Variants in RSF1 observed in about 807,000 individuals in gnomAD.
RSF1 encodes HBV pX-associated protein 8.
In RSF1, 13 loss-of-function variants were observed where a neutral mutation model predicts 145.2. The ratio of observed to expected loss-of-function variants is 0.09; its 90% CI spans 0.06 to 0.14. The LOEUF is 0.14. Among genes scored for constraint, RSF1 ranks in the 10% least tolerant of loss-of-function variants. RSF1 has a pLI of 1.00. For synonymous variants in RSF1, 577 were observed against 592.6 expected, an observed-to-expected ratio of 0.97 and a Z score of 0.38; for missense variants, 1,517 against 1,718.2, an observed-to-expected ratio of 0.88 and a Z score of 2.07.
Position 77,661,684 on chromosome 11 carries a change from G to C in RSF1, c.*5233C>G, listed in dbSNP as rs1959235627. ...GTAAAAAATCTACATCCTATTTTAG[G>C]GTATTTTCCCACCTCCCATCCCTTA... On this transcript the variant is annotated 3_prime_UTR_variant, in exon 16 of 16. Transcript: ENST00000308488. The C allele has an allele frequency of 6.6e-6, 1 of 151,236 alleles. No homozygotes were observed. The highest frequency in any genetic ancestry group is 2.4e-5 in the African/African-American group (1 of 41,106). 9.4% of individuals were successfully genotyped at this position (151,236 alleles called of 1,614,324 possible).
chr11:77,723,423 A>G (rs1960983015), intron 5 of RSF1, among the ~76,000 whole-genome samples: 1 of 152,232 alleles, frequency 6.6e-6, no homozygotes, highest in African/African-American at 2.4e-5. Context: ...TGACTGCACC[A>G]CTGTACTTCA....
chr11:77,709,578 G>T (rs1960631446), intron 5 of RSF1, among the ~76,000 whole-genome samples: 1 of 152,078 alleles, frequency 6.6e-6, no homozygotes, highest in African/African-American at 2.4e-5. Flanking sequence ...TTCCAAAATG[G>T]GTTCAAATAC....
Position 77,691,203 on chromosome 11 carries a change from C to T in RSF1, c.2856G>A (p.Gln952=), listed in dbSNP as rs1239823350. The change falls in exon 9 of 16, where the codon CAG becomes CAA. Residue 952 remains glutamine (Q), a synonymous_variant. Transcript: ENST00000308488. ...LLCEKLEEQL[Q]DLDVALKKKE... ...TCTTCTTTAAGGCAACATCCAAATC[C>T]TGCAACTGTTCCTCTAATTTTTCAC... 2 of 1,614,052 alleles carry T rather than the reference C, an allele frequency of 1.2e-6. No homozygotes were observed. The highest frequency in any genetic ancestry group is 1.7e-5 in the Admixed American group (1 of 60,010).
chr11:77,746,122 A>G (rs1031179047), intron 3 of RSF1, among the ~76,000 whole-genome samples: 1 of 152,164 alleles, frequency 6.6e-6, no homozygotes, highest in Non-Finnish European at 1.5e-5. Context: ...AATTGGGATT[A>G]ATAAAAGTTA....
chr11:77,772,081 TTA>T (rs1948291344), intron 1 of RSF1, among the ~76,000 whole-genome samples: 1 of 152,206 alleles, frequency 6.6e-6, no homozygotes, highest in African/African-American at 2.4e-5. Flanking sequence ...ATCATGACTT[TTA>T]GTTTAATCAC....
intron 1 of RSF1, among the ~76,000 whole-genome samples, chr11:77,769,542 G>GA (rs1319412325): frequency 6.6e-6 from 1 of 152,194 alleles, no homozygotes; most frequent in African/African-American, 2.4e-5. Flanking sequence ...GAAGGAGAAA[G>GA]AAACAGTCAG....
chr11:77,817,864 C>T (rs1329773636), intron 1 of RSF1, among the ~76,000 whole-genome samples: 3 of 152,102 alleles, frequency 2.0e-5, no homozygotes, highest in Admixed American at 6.5e-5. Flanking sequence ...CTATTTGAAA[C>T]AGGCTGAAAG....
chr11:77,826,480 G>A, the RSF1 span, among the ~76,000 whole-genome samples: 4 of 152,158 alleles, frequency 2.6e-5, no homozygotes, highest in African/African-American at 7.2e-5. Flanking sequence ...TCGGCAGTTT[G>A]ACATCCTATA....
the RSF1 span, among the ~76,000 whole-genome samples, chr11:77,848,089 G>A: frequency 6.6e-6 from 1 of 152,206 alleles, no homozygotes; most frequent in Non-Finnish European, 1.5e-5. Flanking sequence ...CTCATCCATA[G>A]ACATTCTCAC....
At position 77,789,453 on chromosome 11, in the gene RSF1, G is replaced by A. The variant is rs117297569; in HGVS notation, c.188-24764C>T. 4.8e-4 allele frequency among the ~76,000 whole-genome samples: 73 copies of A among 152,286 alleles called. 1 individual carries two copies. In the East Asian group the frequency reaches 9.1e-3, roughly 19 times the overall value. On this transcript the variant is annotated intron_variant, in intron 1 of 15. Coordinates refer to ENST00000308488, the MANE Select transcript of RSF1 (RefSeq NM_016578.4). ...CTCAAGTGATGCATGGACTACTGCCGCCGGGGCTGAGGCACAAGCAAGGCA... is the reference window on the plus strand; with the variant it reads ...CTCAAGTGATGCATGGACTACTGCCACCGGGGCTGAGGCACAAGCAAGGCA...
chr11:77,840,309 A>G, the RSF1 span, among the ~76,000 whole-genome samples: 1 of 152,156 alleles, frequency 6.6e-6, no homozygotes, highest in Non-Finnish European at 1.5e-5. Context: ...CAGGTGGATC[A>G]CCTGAGGTCA....
rs1365854548 is a variant in RSF1 at position 77,672,074 on chromosome 11, T to G, written c.3719A>C (p.His1240Pro). ...LRRGKEIRRV[H>P]KRRLSSSESE... ...CTCTGAGCTGGAAAGTCTTCGCTTG[T>G]GTACTCGCCTTATTTCTTTACCACG... Residue 1240 changes from histidine (H) to proline (P), a missense_variant, in exon 15 of 16, where the codon CAC becomes CCC. His to Pro is a moderately conservative substitution (Grantham distance 77). This residue lies in a region of RSF1 where 240 missense variants were observed against 231.8 expected (regional missense o/e 1.04). Coordinates refer to ENST00000308488, the MANE Select transcript of RSF1 (RefSeq NM_016578.4). 1 of 1,613,738 alleles carries G rather than the reference T, an allele frequency of 6.2e-7. No homozygotes were observed.
intron 5 of RSF1, among the ~76,000 whole-genome samples, chr11:77,708,595 T>C (rs1960607792): frequency 6.6e-6 from 1 of 152,214 alleles, no homozygotes; most frequent in African/African-American, 2.4e-5. Context: ...GCTGTAGTAT[T>C]GACAACAGAT....
the RSF1 span, among the ~76,000 whole-genome samples, chr11:77,868,108 T>C: frequency 2.7e-5 from 4 of 148,484 alleles, no homozygotes; most frequent in Non-Finnish European, 5.9e-5. Flanking sequence ...CAGGCTGGAG[T>C]GCAGTGGCAC....
chr11:77,857,876 T>C, the RSF1 span, among the ~76,000 whole-genome samples: 1 of 152,224 alleles, frequency 6.6e-6, no homozygotes, highest in East Asian at 1.9e-4. Flanking sequence ...TTTGTATTTT[T>C]AGTAGAGACA....
chr11:77,746,085 T>A (rs967133935), intron 3 of RSF1, among the ~76,000 whole-genome samples: 1 of 152,116 alleles, frequency 6.6e-6, no homozygotes, highest in South Asian at 2.1e-4. Flanking sequence ...ACATACATTA[T>A]AGGAATGCAC....
intron 4 of RSF1, among the ~76,000 whole-genome samples, chr11:77,725,994 TTTGA>T (rs1961046354): frequency 6.6e-6 from 1 of 152,162 alleles, no homozygotes. Context: ...AAAATCAACG[TTTGA>T]TAACTTTAAA....
rs1034015953 is a variant in RSF1 at position 77,661,412 on chromosome 11, A to G, written c.*5505T>C. 1.1e-4 allele frequency: 17 copies of G among 151,946 alleles called. No individual in the cohort carries two copies. The highest frequency in any genetic ancestry group is 3.9e-4 in the African/African-American group (16 of 41,354). The allele number at this position is 151,946 out of a possible 1,614,324, so 9.4% of individuals were successfully genotyped here. On this transcript the variant is annotated 3_prime_UTR_variant, in exon 16 of 16. Transcript: ENST00000308488. ...GCTACTGTAGCTGTTCTGATCCTGA[A>G]AATCCATTTACTAATATAAGCTAGA...
intron 12 of RSF1, 108 bp downstream of exon 12, chr11:77,677,978 T>C (rs1468848998): frequency 5.3e-6 from 4 of 759,846 alleles, no homozygotes; most frequent in Non-Finnish European, 9.3e-6. Flanking sequence ...CTAATCATGA[T>C]ACATAACGGG....
Sources: gnomAD v4.1 joint callset for allele counts (sites outside exome capture counted in the v4.1 genomes callset) on GRCh38, gnomAD v4.1.1 for gene constraint, gnomAD v4.1.1 regional missense constraint, MANE v1.5 for transcripts, NCBI Gene and HGNC (gene_info 2026-07-23, HGNC 2026-07-21) for gene names.